Variants in MMP16 observed in about 807,000 individuals in gnomAD.
MMP16 encodes matrix metalloproteinase-16.
In MMP16, 12 loss-of-function variants were observed where a neutral mutation model predicts 67.8. The observed-to-expected ratio is 0.18, with a 90% confidence interval of 0.11 to 0.29. The LOEUF is 0.29. MMP16 is among the 10% of genes least tolerant of loss of function. MMP16 has a pLI of 1.00. For missense variants in MMP16, 475 were observed against 765.7 expected (o/e 0.62, Z 4.48); for synonymous variants, 249 against 255.9 (o/e 0.97, Z 0.26).
At position 88,142,955 on chromosome 8, in the gene MMP16, A is replaced by G. The variant is rs1408517221; in HGVS notation, c.710-24094T>C. Among the ~76,000 whole-genome samples the G allele has an allele frequency of 5.3e-5, 8 of 152,300 alleles. No homozygotes were observed. The South Asian group carries it at 1.7e-3, about 32-fold the overall frequency. ...AGTCTTTATCTGAAGACTAATAATC[A>G]TTTTGTCCCTCATCTGTATGAAATG... On this transcript the variant is annotated intron_variant, in intron 4 of 9. Coordinates refer to ENST00000286614, the MANE Select transcript of MMP16 (RefSeq NM_005941.5).
At chr8:88,244,953 T>C (rs1040900415) in intron 1 of MMP16, among the ~76,000 whole-genome samples, 4 of 152,114 alleles carry the variant, frequency 2.6e-5, no homozygotes, top group African/African-American at 9.7e-5. Context: ...CAGTGAAACA[T>C]CTCTCAGCAA....
chr8:88,050,266 C>T (rs534935189), intron 8 of MMP16, among the ~76,000 whole-genome samples: 11 of 151,388 alleles, frequency 7.3e-5, no homozygotes, highest in African/African-American at 2.2e-4. Context: ...AAGGTTGCAG[C>T]GAGCCGAGAT....
chr8:88,075,950 C>CACACACACACACACACACAA (rs1808642774), intron 6 of MMP16, among the ~76,000 whole-genome samples: 1 of 150,730 alleles, frequency 6.6e-6, no homozygotes, highest in South Asian at 2.1e-4. Context: ...CACACACACA[C>CACACACACACACACACACAA]ACACACACAC....
intron 3 of MMP16, among the ~76,000 whole-genome samples, chr8:88,176,445 CT>C (rs1275055623): frequency 1.3e-5 from 2 of 152,154 alleles, no homozygotes; most frequent in Non-Finnish European, 1.5e-5. Context: ...TTAGGGTACA[CT>C]GCCAACAGTT....
At chr8:88,272,129 C>T (rs893529730) in intron 1 of MMP16, among the ~76,000 whole-genome samples, 4 of 152,216 alleles carry the variant, frequency 2.6e-5, no homozygotes, top group South Asian at 2.1e-4. Context: ...TATGTGCATG[C>T]GAGTGTGTAC....
At chr8:88,046,462 C>CT (rs898281482) in intron 9 of MMP16, among the ~76,000 whole-genome samples, 19 of 151,982 alleles carry the variant, frequency 1.3e-4, no homozygotes, top group African/African-American at 4.6e-4. Flanking sequence ...TTTCTAATGA[C>CT]TTTTTTATAA....
At chr8:88,138,995 T>C (rs1034430564) in intron 4 of MMP16, among the ~76,000 whole-genome samples, 2 of 152,138 alleles carry the variant, frequency 1.3e-5, no homozygotes, top group Non-Finnish European at 2.9e-5. Flanking sequence ...AAAATGTTTC[T>C]GGTAACTTAA....
chr8:88,284,561 T>C (rs1287585831), intron 1 of MMP16, among the ~76,000 whole-genome samples: 1 of 151,674 alleles, frequency 6.6e-6, no homozygotes. Flanking sequence ...ACACAGCCTG[T>C]TGTCTCCTTA....
chr8:88,233,019 C>A (rs546251020), intron 1 of MMP16, among the ~76,000 whole-genome samples: 41 of 152,182 alleles, frequency 2.7e-4, no homozygotes, highest in Non-Finnish European at 4.3e-4. Flanking sequence ...CTTATTATAA[C>A]ACCTGTGTGA....
intron 4 of MMP16, among the ~76,000 whole-genome samples, chr8:88,155,907 A>T (rs1037530010): frequency 6.6e-6 from 1 of 152,010 alleles, no homozygotes; most frequent in Non-Finnish European, 1.5e-5. Context: ...TATCCTTTTA[A>T]TGGTATCATT....
chr8:88,146,499 T>TC lies in MMP16; in HGVS notation c.709+21169_709+21170insG, dbSNP rs564364339. On this transcript the variant is annotated intron_variant, in intron 4 of 9. Transcript: ENST00000286614. ...CCACATGGAACATATATTTTGTTTT[T>TC]GAACCTTAGAAAAAATGTCATCATA... Among the ~76,000 whole-genome samples, 950 of 152,130 alleles carry TC rather than the reference T, an allele frequency of 6.2e-3. 2 individuals carry two copies. Among genetic ancestry groups the TC allele is most frequent in the Non-Finnish European group, 0.011 (713 of 67,878 alleles).
At chr8:88,294,467 TAC>T (rs1428810417) in intron 1 of MMP16, among the ~76,000 whole-genome samples, 9 of 151,384 alleles carry the variant, frequency 5.9e-5, no homozygotes, top group African/African-American at 1.7e-4. Context: ...CATGTCTCTG[TAC>T]ACACATATGT....
intron 9 of MMP16, among the ~76,000 whole-genome samples, chr8:88,042,074 C>T (rs1215088674): frequency 6.6e-6 from 1 of 152,106 alleles, no homozygotes; most frequent in Non-Finnish European, 1.5e-5. Flanking sequence ...GCAGTCTACT[C>T]CTAGTCCAAG....
At chr8:88,310,955 T>G (rs1356183690) in intron 1 of MMP16, among the ~76,000 whole-genome samples, 1 of 152,150 alleles carries the variant, frequency 6.6e-6, no homozygotes, top group Non-Finnish European at 1.5e-5. Flanking sequence ...ATTAATAAGG[T>G]ATTTAATAAT....
At chr8:88,062,442 T>C (rs1808411504) in intron 7 of MMP16, among the ~76,000 whole-genome samples, 1 of 151,976 alleles carries the variant, frequency 6.6e-6, no homozygotes, top group African/African-American at 2.4e-5. Flanking sequence ...ATTAAGAAAA[T>C]GTGGCACATA....
At chr8:88,078,755 T>C (rs2118299524) in intron 6 of MMP16, among the ~76,000 whole-genome samples, 1 of 152,314 alleles carries the variant, frequency 6.6e-6, no homozygotes, top group South Asian at 2.1e-4. Context: ...TCTCTTCTGA[T>C]ACACAGATTC....
chr8:88,073,347 A>G (rs907623491), intron 7 of MMP16, among the ~76,000 whole-genome samples: 2 of 152,230 alleles, frequency 1.3e-5, no homozygotes, highest in Non-Finnish European at 2.9e-5. Context: ...AATAGCTGGC[A>G]TTTATTGAGG....
In MMP16 at chr8:88,038,172, G is replaced by T. The variant is rs533790856; in HGVS notation, c.*3289C>A. ...AGGAACCATACCCACAAAGTAGCTG[G>T]TGTACAATAAACAAATGGAATCCCA... On this transcript the variant is annotated 3_prime_UTR_variant, in exon 10 of 10. Coordinates refer to ENST00000286614, the MANE Select transcript of MMP16 (RefSeq NM_005941.5). The surrounding 1 kb of genome is among the most constrained non-coding windows in gnomAD (Gnocchi z 4.1). The T allele has an allele frequency of 9.9e-5, 15 of 151,920 alleles. No homozygotes were observed. The highest frequency in any genetic ancestry group is 1.8e-4 in the Non-Finnish European group (12 of 67,918). The allele number at this position is 151,920 out of a possible 1,614,324, so 9.4% of individuals were successfully genotyped here. A position where few individuals can be genotyped will look rare whatever the true frequency, so the allele number is the denominator to read the frequency against.
At chr8:88,145,133 T>C (rs1322411362) in intron 4 of MMP16, among the ~76,000 whole-genome samples, 1 of 151,874 alleles carries the variant, frequency 6.6e-6, no homozygotes, top group African/African-American at 2.4e-5. Context: ...CTCCAAGAAA[T>C]GTATTAGGTG....
Sources: gnomAD v4.1 joint callset for allele counts (sites outside exome capture counted in the v4.1 genomes callset) on GRCh38, gnomAD v4.1.1 for gene constraint, Gnocchi (gnomAD v3.1) non-coding constraint, MANE v1.5 for transcripts, NCBI Gene and HGNC (gene_info 2026-07-23, HGNC 2026-07-21) for gene names.